GTF3C1: variants seen among roughly 807,000 people sequenced by gnomAD.
GTF3C1 encodes general transcription factor IIIC subunit 1.
A neutral mutation model predicts 226.7 loss-of-function variants in GTF3C1; 57 were observed. The observed-to-expected ratio is 0.25, with a 90% CI of 0.20 to 0.31. The LOEUF is 0.31. GTF3C1 is among the 10% of genes least tolerant of loss of function. The pLI is 1.00. For synonymous variants in GTF3C1, 1,090 were observed against 1,084.8 expected (o/e 1.00, Z -0.09); for missense variants, 2,217 against 2,776.1 (o/e 0.80, Z 4.53).
chr16:27,544,302 C>T lies in GTF3C1; in HGVS notation c.431+1012G>A, dbSNP rs560849379. Among the ~76,000 whole-genome samples, 18 of 151,874 alleles carry T rather than the reference C, an allele frequency of 1.2e-4. No homozygotes were observed. In the South Asian group the frequency reaches 3.6e-3, roughly 30 times the overall value. ...CTCAGGTGGAAGGTGGGAAGATCAC[C>T]TGAGCCCAGGAGGTCAAGGCTGCAA... On this transcript the variant is annotated intron_variant, in intron 2 of 36. Coordinates refer to ENST00000356183, the MANE Select transcript of GTF3C1 (RefSeq NM_001520.4).
chr16:27,540,391 G>A (rs2089064347), intron 2 of GTF3C1, among the ~76,000 whole-genome samples: 1 of 152,164 alleles, frequency 6.6e-6, no homozygotes, highest in Non-Finnish European at 1.5e-5. Flanking sequence ...TAAATTATAA[G>A]AGGTCAGCTG....
chr16:27,514,084 C>T (rs2088617733), intron 6 of GTF3C1, among the ~76,000 whole-genome samples: 1 of 152,198 alleles, frequency 6.6e-6, no homozygotes, highest in Admixed American at 6.5e-5. Flanking sequence ...GACACTCTAA[C>T]GGGGGCCAGC....
Position 27,533,954 on chromosome 16 carries a change from C to T in GTF3C1, c.753-567G>A, listed in dbSNP as rs564948829. Among the ~76,000 whole-genome samples, 19 of 152,152 alleles carry T rather than the reference C, an allele frequency of 1.2e-4. No individual in the cohort carries two copies. The South Asian group carries it at 1.9e-3, about 15-fold the overall frequency. On this transcript the variant is annotated intron_variant, in intron 4 of 36. Coordinates refer to ENST00000356183, the MANE Select transcript of GTF3C1 (RefSeq NM_001520.4). ...CTGGGAGGTGGAGGTTGCAGTGAGC[C>T]GAGATTGCACCACTGCATTCCAGCT... is the stretch of plus-strand genomic sequence containing the variant.
intron 2 of GTF3C1, among the ~76,000 whole-genome samples, chr16:27,538,656 C>G (rs1957333946): frequency 6.6e-6 from 1 of 152,216 alleles, no homozygotes. Flanking sequence ...TCCCACTCCT[C>G]CTGGAAAGCT....
chr16:27,549,645 C>CCGCCAGGCCAGGCCGCCCGCT (rs1325151762), intron 1 of GTF3C1, 25 bp downstream of exon 1: 2 of 1,167,610 alleles, frequency 1.7e-6, no homozygotes, highest in African/African-American at 1.5e-5. Flanking sequence ...GCCCGCCCGC[C>CCGCCAGGCCAGGCCGCCCGCT]CGCCAGGCCA....
chr16:27,538,969 TATAC>T (rs1421854904), intron 2 of GTF3C1, among the ~76,000 whole-genome samples: 149 of 128,874 alleles, frequency 1.2e-3, no homozygotes, highest in Non-Finnish European at 2.0e-3. Flanking sequence ...TATACACACA[TATAC>T]ACACACACAC....
intron 6 of GTF3C1, among the ~76,000 whole-genome samples, chr16:27,524,094 T>C (rs894168279): frequency 2.0e-5 from 3 of 152,316 alleles, no homozygotes; most frequent in South Asian, 4.1e-4. Context: ...GAACTTACTT[T>C]CAAGGGTCAG....
In GTF3C1 at chr16:27,492,266, A is replaced by G. The variant is rs2088244032; in HGVS notation, c.3151+72T>C. Reference sequence around the variant, plus strand: ...GTTGAGGCAACTCCTAGGCTTTTCTAGCCCTAAATCCCAGTTAGCACACAG... The same window carrying G: ...GTTGAGGCAACTCCTAGGCTTTTCTGGCCCTAAATCCCAGTTAGCACACAG... On this transcript the variant is annotated intron_variant, in intron 19 of 36. Coordinates refer to ENST00000356183, the MANE Select transcript of GTF3C1 (RefSeq NM_001520.4). The surrounding 1 kb of genome is among the most constrained non-coding windows in gnomAD (Gnocchi z 5.0). 1.1e-6 allele frequency: 1 copy of G among 899,008 alleles called. No individual in the cohort carries two copies. The allele number at this position is 899,008 out of a possible 1,614,324, so 55.7% of individuals were successfully genotyped here.
chr16:27,482,874 C>T (rs2088077226), intron 26 of GTF3C1, among the ~76,000 whole-genome samples, 170 bp downstream of exon 26: 1 of 152,200 alleles, frequency 6.6e-6, no homozygotes, highest in South Asian at 2.1e-4. Context: ...GAAGCCAGAT[C>T]AAGTGAAGGC....
rs150397949 is a variant in GTF3C1 at position 27,506,104 on chromosome 16, A to G, written c.1565T>C (p.Val522Ala). Reference sequence around the variant, plus strand: ...CTTTTTCAATGGGTGTAGGTTTACAACTTTCCACCCACCTGTGGTGGAGGG... The same window carrying G: ...CTTTTTCAATGGGTGTAGGTTTACAGCTTTCCACCCACCTGTGGTGGAGGG... ...HSTPTKGGWK[V>A]VNLHPLKKQP... Residue 522 changes from valine to alanine, a missense_variant, in exon 10 of 37, where the codon GTT becomes GCT. By Grantham distance (64) the Val-to-Ala change is moderately conservative. Coordinates refer to ENST00000356183, the MANE Select transcript of GTF3C1 (RefSeq NM_001520.4). 6.2e-7 allele frequency: 1 copy of G among 1,606,110 alleles called. No homozygotes were observed. Among genetic ancestry groups the G allele is most frequent in the Non-Finnish European group, 8.5e-7 (1 of 1,172,916 alleles).
At chr16:27,490,872 A>G (rs548019359) in intron 19 of GTF3C1, among the ~76,000 whole-genome samples, 1 of 152,326 alleles carries the variant, frequency 6.6e-6, no homozygotes, top group East Asian at 1.9e-4. Flanking sequence ...TGAAGGGACA[A>G]TCAATGCCTG....
At chr16:27,476,679 C>G (rs1194162003) in intron 28 of GTF3C1, 135 bp from the exon 29 acceptor site, 3 of 630,892 alleles carry the variant, frequency 4.8e-6, no homozygotes, top group Non-Finnish European at 8.6e-6. Flanking sequence ...AAAGAAAACA[C>G]AATATATGAT....
At chr16:27,511,693 T>A in intron 7 of GTF3C1, 56 bp downstream of exon 7, 1 of 1,587,370 alleles carries the variant, frequency 6.3e-7, no homozygotes, top group East Asian at 2.2e-5. Context: ...GGCAAAGCGC[T>A]TCTTGACTCA....
At chr16:27,514,683 G>A (rs1208458512) in intron 6 of GTF3C1, among the ~76,000 whole-genome samples, 1 of 152,110 alleles carries the variant, frequency 6.6e-6, no homozygotes, top group African/African-American at 2.4e-5. Context: ...TGTACCCTAT[G>A]AACTGACCCT....
chr16:27,504,341 G>A lies in GTF3C1; in HGVS notation c.1771-1346C>T, dbSNP rs1332531027. ...GAGGAAGGCAGGCGGGACTCCAGGG[G>A]AGCTGCTGGGCTCCACTGCTGGAAG... is the stretch of plus-strand genomic sequence containing the variant. On this transcript the variant is annotated intron_variant, in intron 10 of 36. Transcript: ENST00000356183. Among the ~76,000 whole-genome samples, 9 of 152,338 alleles carry A rather than the reference G, an allele frequency of 5.9e-5. No individual in the cohort carries two copies. In the East Asian group the frequency reaches 1.7e-3, roughly 29 times the overall value.
intron 26 of GTF3C1, among the ~76,000 whole-genome samples, chr16:27,481,707 C>G (rs1411583409): frequency 6.6e-6 from 1 of 152,170 alleles, no homozygotes; most frequent in East Asian, 1.9e-4. Context: ...GTGTGCAATG[C>G]GACATGGTAT....
At chr16:27,532,858 G>C (rs1047036020) in intron 5 of GTF3C1, among the ~76,000 whole-genome samples, 2 of 152,222 alleles carry the variant, frequency 1.3e-5, no homozygotes, top group South Asian at 2.1e-4. Context: ...AAACAGCTGG[G>C]CACAGTGGCT....
chr16:27,502,572 G>A (rs960310222), intron 11 of GTF3C1, among the ~76,000 whole-genome samples: 1 of 152,132 alleles, frequency 6.6e-6, no homozygotes, highest in Admixed American at 6.5e-5. Context: ...AAAGCTGAAC[G>A]CACTTTCCCT....
Position 27,489,039 on chromosome 16 carries a change from C to T in GTF3C1, c.3429+4G>A, listed in dbSNP as rs1427970519. The T allele has an allele frequency of 1.9e-6, 3 of 1,613,410 alleles. No homozygotes were observed. The highest frequency in any genetic ancestry group is 2.5e-6 in the Non-Finnish European group (3 of 1,179,646). On this transcript the variant is annotated splice_donor_region_variant and intron_variant, in intron 21 of 36. Coordinates refer to ENST00000356183, the MANE Select transcript of GTF3C1 (RefSeq NM_001520.4). ...GATTGTAGTCCGGTGTGACGCACACCCACCTTTTTGGCCTGGTTGATGATG... is the reference window on the plus strand; with the variant it reads ...GATTGTAGTCCGGTGTGACGCACACTCACCTTTTTGGCCTGGTTGATGATG...
Sources: gnomAD v4.1 joint callset for allele counts (sites outside exome capture counted in the v4.1 genomes callset) on GRCh38, gnomAD v4.1.1 for gene constraint, Gnocchi (gnomAD v3.1) non-coding constraint, MANE v1.5 for transcripts, NCBI Gene and HGNC (gene_info 2026-07-23, HGNC 2026-07-21) for gene names.